Variants in GRIN2B observed in about 807,000 individuals in gnomAD.
GRIN2B encodes glutamate ionotropic receptor NMDA type subunit 2B.
GRIN2B carries 5 observed loss-of-function variants against 114.5 expected under a neutral mutation model. The ratio of observed to expected loss-of-function variants is 0.04; its 90% CI spans 0.02 to 0.09. The LOEUF (loss-of-function observed/expected upper bound fraction) is 0.09, where lower values mean the gene tolerates loss of function less well. GRIN2B is among the 10% of genes least tolerant of loss of function. The pLI is 1.00. For synonymous variants in GRIN2B, 787 were observed against 745.1 expected, an observed-to-expected ratio of 1.06 and a Z score of -0.92; for missense variants, 1,108 against 1,943.5, an observed-to-expected ratio of 0.57 and a Z score of 8.08.
intron 4 of GRIN2B, among the ~76,000 whole-genome samples, chr12:13,682,390 A>G (rs887157556): frequency 3.9e-5 from 6 of 152,210 alleles, no homozygotes; most frequent in African/African-American, 7.2e-5. Flanking sequence ...AAGCTCAGGA[A>G]TAACTAATTT....
intron 10 of GRIN2B, among the ~76,000 whole-genome samples, chr12:13,585,915 C>G (rs975853167): frequency 6.6e-6 from 1 of 152,206 alleles, no homozygotes; most frequent in African/African-American, 2.4e-5. Flanking sequence ...CAGCAAGATA[C>G]GGCAGACATT....
chr12:13,842,170 G>A (rs1865390952), intron 3 of GRIN2B, among the ~76,000 whole-genome samples: 1 of 152,146 alleles, frequency 6.6e-6, no homozygotes, highest in African/African-American at 2.4e-5. Flanking sequence ...ATCCCAATAT[G>A]ACACTCTCCA....
chr12:13,791,483 T>G (rs1864320982), intron 3 of GRIN2B, among the ~76,000 whole-genome samples: 1 of 151,108 alleles, frequency 6.6e-6, no homozygotes, highest in Non-Finnish European at 1.5e-5. Flanking sequence ...AAATTCCATG[T>G]CATGTGAAAG....
intron 2 of GRIN2B, among the ~76,000 whole-genome samples, chr12:13,939,225 G>C (rs1220623235): frequency 6.6e-6 from 1 of 152,114 alleles, no homozygotes; most frequent in African/African-American, 2.4e-5. Context: ...ATACATTCTT[G>C]ATATGGTTTG....
intron 3 of GRIN2B, among the ~76,000 whole-genome samples, chr12:13,775,010 G>C (rs891879813): frequency 6.6e-6 from 1 of 151,780 alleles, no homozygotes; most frequent in Admixed American, 6.6e-5. Flanking sequence ...GATGATGCTG[G>C]TGCTGCCGCT....
rs531412142 is a variant in GRIN2B, at chr12:13,646,663, T to TCTTCTCCTTCTC, written c.1125+29070_1125+29081dup. On this transcript the variant is annotated intron_variant, in intron 5 of 13. Coordinates refer to ENST00000609686, the MANE Select transcript of GRIN2B (RefSeq NM_000834.5). ...CTCTTCTTCCTCCTCCTCCTCCTCCTCTTCTCCTTCTCCTTCTTCTCTTAT... is the reference window on the plus strand; with the variant it reads ...CTCTTCTTCCTCCTCCTCCTCCTCCTCTTCTCCTTCTCCTTCTCCTTCTCCTTCTTCTCTTAT... Among the ~76,000 whole-genome samples the TCTTCTCCTTCTC allele has an allele frequency of 1.8e-3, 279 of 152,156 alleles. 3 individuals are homozygous for TCTTCTCCTTCTC. The highest frequency in any genetic ancestry group is 6.4e-3 in the African/African-American group (267 of 41,532).
intron 2 of GRIN2B, among the ~76,000 whole-genome samples, chr12:13,907,972 T>C (rs1415393716): frequency 1.3e-5 from 2 of 152,284 alleles, no homozygotes; most frequent in East Asian, 3.9e-4. Context: ...TATTTTAAAA[T>C]CCTAAAACTG....
intron 5 of GRIN2B, among the ~76,000 whole-genome samples, chr12:13,621,956 G>A (rs1200678057): frequency 4.6e-5 from 7 of 151,256 alleles, no homozygotes; most frequent in African/African-American, 1.2e-4. Context: ...AAGCCCCCAC[G>A]TTTGTCCCCC....
At chr12:13,757,172 C>A (rs1394618646) in intron 3 of GRIN2B, among the ~76,000 whole-genome samples, 1 of 152,160 alleles carries the variant, frequency 6.6e-6, no homozygotes, top group East Asian at 1.9e-4. Flanking sequence ...ATCTGGCACC[C>A]AAAGGAGGCT....
At chr12:13,797,949 A>G (rs947214141) in intron 3 of GRIN2B, among the ~76,000 whole-genome samples, 1 of 152,190 alleles carries the variant, frequency 6.6e-6, no homozygotes, top group Non-Finnish European at 1.5e-5. Context: ...TCTCCTACCT[A>G]TAATCACTTG....
chr12:13,570,152 C>G, intron 11 of GRIN2B, 135 bp from the exon 12 acceptor site: 1 of 685,174 alleles, frequency 1.5e-6, no homozygotes, highest in South Asian at 1.7e-5. Context: ...TAAGTTGGAA[C>G]TCTGCCAGAA....
intron 3 of GRIN2B, among the ~76,000 whole-genome samples, chr12:13,852,448 T>C (rs1010274471): frequency 1.1e-4 from 16 of 152,152 alleles, no homozygotes; most frequent in African/African-American, 3.9e-4. Context: ...GTTTGCAAGC[T>C]TGTAAACAAA....
chr12:13,973,467 G>A (rs865991686), intron 2 of GRIN2B, among the ~76,000 whole-genome samples: 3 of 152,012 alleles, frequency 2.0e-5, no homozygotes, highest in South Asian at 2.1e-4. Context: ...CAGACTTTAC[G>A]CTCCCCATCA....
chr12:13,737,541 T>C (rs780601785), intron 4 of GRIN2B, among the ~76,000 whole-genome samples: 1 of 152,178 alleles, frequency 6.6e-6, no homozygotes, highest in Non-Finnish European at 1.5e-5. Context: ...AAATGTGAAA[T>C]CTGAAGTTTG....
chr12:13,808,732 T>G (rs1251490853), intron 3 of GRIN2B, among the ~76,000 whole-genome samples: 1 of 87,882 alleles, frequency 1.1e-5, no homozygotes, highest in Non-Finnish European at 2.4e-5. Flanking sequence ...ACCCTAGAAC[T>G]TAAAGTATAA....
chr12:13,646,176 T>C (rs1168414240), intron 5 of GRIN2B, among the ~76,000 whole-genome samples: 1 of 152,118 alleles, frequency 6.6e-6, no homozygotes, highest in East Asian at 1.9e-4. Context: ...TTACAAAAAG[T>C]AATTCAAAGA....
intron 4 of GRIN2B, among the ~76,000 whole-genome samples, chr12:13,736,084 C>T (rs1246188858): frequency 2.1e-5 from 3 of 145,568 alleles, no homozygotes; most frequent in Non-Finnish European, 3.0e-5. Flanking sequence ...AGAAACATTT[C>T]TCAGTTTCCT....
intron 10 of GRIN2B, among the ~76,000 whole-genome samples, chr12:13,605,551 T>TCTCTCTCTCTCACACACACACA: frequency 6.6e-5 from 2 of 30,444 alleles, no homozygotes; most frequent in African/African-American, 1.0e-4. Context: ...TCTCTCTCTC[T>TCTCTCTCTCTCACACACACACA]GACACACACA....
intron 4 of GRIN2B, among the ~76,000 whole-genome samples, chr12:13,746,113 T>C (rs1005047): frequency 0.081 from 12,248 of 152,124 alleles, 641 homozygotes; most frequent in East Asian, 0.2. Context: ...CAGAGAGTGC[T>C]TGGGAGGGTG....
Sources: allele counts gnomAD v4.1 joint callset (sites outside exome capture counted in the v4.1 genomes callset), GRCh38; gene constraint gnomAD v4.1.1; transcripts MANE v1.5; gene names NCBI Gene and HGNC (gene_info 2026-07-23, HGNC 2026-07-21).